Variants in XPNPEP2 observed in about 807,000 individuals in gnomAD.
XPNPEP2 encodes the protein xaa-Pro aminopeptidase 2.
XPNPEP2 carries 64 observed loss-of-function variants against 59.8 expected under a neutral mutation model. That is an observed-to-expected ratio of 1.07 (90% CI 0.87 to 1.32). The LOEUF is 1.32. Among genes scored for constraint, XPNPEP2 ranks in the 40% most tolerant of loss-of-function variants. XPNPEP2 has a pLI of 0.00. For synonymous variants in XPNPEP2, 235 were observed against 210.0 expected (o/e 1.12, Z -1.03); for missense variants, 575 against 546.8 (o/e 1.05, Z -0.51).
At chrX:129,757,796 G>GAAGAAAGAAAGA (rs57433903) in intron 14 of XPNPEP2, among the ~76,000 whole-genome samples, 891 of 33,394 alleles carry the variant, frequency 0.027, 39 homozygotes, top group Middle Eastern at 0.11. Flanking sequence ...ACTATAAAAG[G>GAAGAAAGAAAGA]AAGAAAGAAA....
At chrX:129,751,129 G>C (rs1443997159) in intron 8 of XPNPEP2, among the ~76,000 whole-genome samples, 2 of 74,582 alleles carry the variant, frequency 2.7e-5, no homozygotes, top group African/African-American at 1.1e-4. Context: ...CAAAAAGATT[G>C]AGTAACATGC....
rs372893279 is a variant in XPNPEP2 at position 129,752,275 on chromosome X, C to T, written c.947C>T (p.Ser316Leu). The change falls in exon 10 of 21, where the codon TCA becomes TTA. Residue 316 changes from serine to leucine, a missense_variant. Ser to Leu is a moderately radical substitution (Grantham distance 145). Coordinates refer to ENST00000371106, the MANE Select transcript of XPNPEP2 (RefSeq NM_003399.6). ...SQVRDSIQAY[S>L]LGDVRIWIGT... ...GTTCGTGACAGCATCCAGGCCTACT[C>T]ATTGGGAGATGTGAGGATCTGGATT... The T allele has an allele frequency of 3.3e-6, 4 of 1,210,590 alleles. No homozygotes were observed. In the African/African-American group the frequency reaches 7.0e-5, roughly 21 times the overall value.
chrX:129,755,435 C>T, intron 13 of XPNPEP2, 64 bp downstream of exon 13: 9 of 1,071,497 alleles, frequency 8.4e-6, no homozygotes, highest in Non-Finnish European at 1.2e-5. Context: ...TGTAGAGGAA[C>T]AGGGTGAGGG....
At chrX:129,745,044 T>A (rs1926267917) in intron 3 of XPNPEP2, among the ~76,000 whole-genome samples, 159 bp from the exon 4 acceptor site, 1 of 111,240 alleles carries the variant, frequency 9.0e-6, no homozygotes, top group African/African-American at 3.3e-5. Flanking sequence ...CTGGGAGAGT[T>A]ACAGAGGGCT....
intron 14 of XPNPEP2, among the ~76,000 whole-genome samples, chrX:129,757,883 G>A (rs1277923197): frequency 1.7e-4 from 14 of 81,246 alleles, no homozygotes; most frequent in African/African-American, 7.1e-4. Context: ...AAGAGAGAGA[G>A]AGAGAGAGAG....
chrX:129,742,630 G>A (rs186087134), intron 2 of XPNPEP2, among the ~76,000 whole-genome samples: 36 of 110,512 alleles, frequency 3.3e-4, no homozygotes, highest in Admixed American at 7.6e-4. Flanking sequence ...GGCCGAGCAC[G>A]GTGGCTGACG....
chrX:129,762,382 G>A lies in XPNPEP2; in HGVS notation c.1664-312G>A, dbSNP rs143458020. Among the ~76,000 whole-genome samples, 489 of 112,108 alleles carry A rather than the reference G, an allele frequency of 4.4e-3. 3 individuals carry two copies. Among genetic ancestry groups the A allele is most frequent in the African/African-American group, 0.014 (435 of 30,843 alleles). ...TCAGACTCTGGAGTTGCCAAATGCT[G>A]GAGTAACAGGACAGTGGCATCCAGG... On this transcript the variant is annotated intron_variant, in intron 18 of 20. Coordinates refer to ENST00000371106, the MANE Select transcript of XPNPEP2 (RefSeq NM_003399.6).
At chrX:129,757,893 GAGA>G (rs1926576266) in intron 14 of XPNPEP2, among the ~76,000 whole-genome samples, 1 of 51,782 alleles carries the variant, frequency 1.9e-5, no homozygotes, top group Non-Finnish European at 3.3e-5. Flanking sequence ...GAGAGAGAGA[GAGA>G]AAGAAAGAAA....
At chrX:129,747,931 T>G in intron 7 of XPNPEP2, 178 bp downstream of exon 7, 2 of 602,717 alleles carry the variant, frequency 3.3e-6, no homozygotes, top group Non-Finnish European at 5.4e-6. Context: ...CCCCTCCCCT[T>G]GAGGAGTCTG....
In XPNPEP2 at chrX:129,755,302, A is replaced by G; in HGVS notation, c.1226A>G (p.Gln409Arg). 1 of 1,211,373 alleles carries G rather than the reference A, an allele frequency of 8.3e-7. No homozygotes were observed. Among genetic ancestry groups the G allele is most frequent in the Non-Finnish European group, 1.1e-6 (1 of 894,957 alleles). ...TGCCTTGTACTTTCCAGAGAAGAAC[A>G]GTTCTCCTCCGGACCCAGTTTTGAA... The part of the protein sequence containing the change: ...EIVDKFRGEE[Q>R]FSSGPSFETI... Residue 409 changes from glutamine to arginine, a missense_variant, in exon 13 of 21, where the codon CAG becomes CGG. By Grantham distance (43) the Gln-to-Arg change is conservative. Coordinates refer to ENST00000371106, the MANE Select transcript of XPNPEP2 (RefSeq NM_003399.6).
intron 5 of XPNPEP2, 104 bp downstream of exon 5, chrX:129,746,444 G>C (rs1926298793): frequency 1.1e-6 from 1 of 948,691 alleles, no homozygotes; most frequent in African/African-American, 1.9e-5. Flanking sequence ...GGCCTCTATG[G>C]GGAGCTTAGG....
rs143509392 is a variant in XPNPEP2, at chrX:129,761,199, G to A, written c.1526G>A (p.Arg509Lys). ...CGAATGGTGGAGGCCTTTGCCCGCA[G>A]AGCCTTGTGGGATGCTGGTCTCAAT... is the stretch of plus-strand genomic sequence containing the variant. ...SGRMVEAFAR[R>K]ALWDAGLNYG... The change falls in exon 17 of 21, where the codon AGA becomes AAA. Residue 509 changes from arginine to lysine, a missense_variant. Transcript: ENST00000371106. 8 of 1,210,630 alleles carry A rather than the reference G, an allele frequency of 6.6e-6. No individual in the cohort carries two copies. The African/African-American group carries it at 1.0e-4, about 16-fold the overall frequency.
chrX:129,762,092 A>G, intron 18 of XPNPEP2, 27 bp downstream of exon 18: 1 of 1,200,800 alleles, frequency 8.3e-7, no homozygotes. Context: ...CCTCTACCTC[A>G]CCACCCCATC....
intron 1 of XPNPEP2, among the ~76,000 whole-genome samples, chrX:129,740,635 A>AT (rs1926157227): frequency 9.4e-6 from 1 of 106,381 alleles, no homozygotes; most frequent in African/African-American, 3.5e-5. Context: ...TCTCAAAAAA[A>AT]AAAAAAATGC....
intron 2 of XPNPEP2, among the ~76,000 whole-genome samples, chrX:129,742,969 G>T (rs1349822568): frequency 8.9e-6 from 1 of 111,852 alleles, no homozygotes; most frequent in Non-Finnish European, 1.9e-5. Flanking sequence ...GGAGGCCTAG[G>T]GTGTGCAGAC....
At position 129,747,505 on chromosome X, in the gene XPNPEP2, C is replaced by G. The variant is rs903905465; in HGVS notation, c.491-102C>G. The G allele has an allele frequency of 9.0e-6, 10 of 1,114,058 alleles. No homozygotes were observed. The African/African-American group carries it at 1.8e-4, about 20-fold the overall frequency. The allele number at this position is 1,114,058 out of a possible 1,213,427, so 91.8% of individuals were successfully genotyped here. ...GGGCAGGCTCCGGGCAGCTGGGCTG[C>G]AAAGGGAGGCAAAGGGAACCAGGAC... On this transcript the variant is annotated intron_variant, in intron 6 of 20. Coordinates refer to ENST00000371106, the MANE Select transcript of XPNPEP2 (RefSeq NM_003399.6).
intron 16 of XPNPEP2, 78 bp downstream of exon 16, chrX:129,760,659 G>T (rs1306642430): frequency 1.9e-6 from 2 of 1,029,354 alleles, no homozygotes; most frequent in African/African-American, 1.9e-5. Flanking sequence ...TGGGAGGCTG[G>T]TGGGGCAAGG....
Position 129,760,563 on chromosome X carries a change from T to C in XPNPEP2, c.1480T>C (p.Phe494Leu), listed in dbSNP as rs1926638069. ...IGNIDLSRLI[F>L]PAATSGRMVE... is the part of the protein sequence containing the mutation. Reference sequence around the variant, plus strand: ...AAATATTGACCTGTCCAGGCTCATCTTTCCCGCTGCTACATCAGGTGGGTT... The same window carrying C: ...AAATATTGACCTGTCCAGGCTCATCCTTCCCGCTGCTACATCAGGTGGGTT... Residue 494 changes from phenylalanine to leucine, a missense_variant, in exon 16 of 21, where the codon TTT becomes CTT. Transcript: ENST00000371106. 1.6e-6 allele frequency: 2 copies of C among 1,212,151 alleles called. No individual in the cohort carries two copies. The highest frequency in any genetic ancestry group is 1.1e-6 in the Non-Finnish European group (1 of 895,528).
At chrX:129,756,913 A>G (rs1347109664) in intron 14 of XPNPEP2, among the ~76,000 whole-genome samples, 1 of 102,749 alleles carries the variant, frequency 9.7e-6, no homozygotes, top group African/African-American at 3.6e-5. Flanking sequence ...GCTCACTGCA[A>G]CCTCTGCATC....
Sources: gnomAD v4.1 joint callset for allele counts (sites outside exome capture counted in the v4.1 genomes callset) on GRCh38, gnomAD v4.1.1 for gene constraint, MANE v1.5 for transcripts, NCBI Gene and HGNC (gene_info 2026-07-23, HGNC 2026-07-21) for gene names.